SGTB: variants seen among roughly 807,000 people sequenced by gnomAD.
The protein encoded by SGTB is small glutamine-rich tetratricopeptide repeat-containing protein beta.
Under a neutral mutation model 43.9 loss-of-function variants are expected in SGTB, and 19 were observed. The ratio of observed to expected loss-of-function variants is 0.43; its 90% CI spans 0.30 to 0.63. The LOEUF (loss-of-function observed/expected upper bound fraction) is 0.63. Among genes scored for constraint, SGTB ranks in the 30% least tolerant of loss-of-function variants. SGTB has a pLI of 0.12. For missense variants in SGTB, 304 were observed against 358.9 expected, an observed-to-expected ratio of 0.85 and a Z score of 1.24; for synonymous variants, 116 against 117.3, an observed-to-expected ratio of 0.99 and a Z score of 0.07.
chr5:65,713,488 T>G (rs1348627126), intron 2 of SGTB, among the ~76,000 whole-genome samples: 3 of 152,074 alleles, frequency 2.0e-5, no homozygotes, highest in Non-Finnish European at 4.4e-5. Flanking sequence ...GCTAACTGTT[T>G]AAATTTTTTT....
Position 65,670,179 on chromosome 5 carries a change from A to G in SGTB, c.*67T>C. 7 of 1,420,804 alleles carry G rather than the reference A, an allele frequency of 4.9e-6. No individual in the cohort carries two copies. The highest frequency in any genetic ancestry group is 5.9e-6 in the Non-Finnish European group (6 of 1,013,196). 88.0% of individuals were successfully genotyped at this position (1,420,804 alleles called of 1,614,324 possible). On this transcript the variant is annotated 3_prime_UTR_variant, in exon 11 of 11. Coordinates refer to ENST00000381007, the MANE Select transcript of SGTB (RefSeq NM_019072.3). ...TTTTTTGAAGGAGGGAGGGGGTACT[A>G]TCTACAACAAATACTTCATTCATAG...
intron 3 of SGTB, among the ~76,000 whole-genome samples, chr5:65,708,768 G>A (rs1003692516): frequency 2.0e-5 from 3 of 152,238 alleles, no homozygotes; most frequent in African/African-American, 4.8e-5. Context: ...GTGACTGGGC[G>A]TGGTGGCTCA....
At chr5:65,702,239 A>G (rs1272922120) in intron 5 of SGTB, among the ~76,000 whole-genome samples, 3 of 152,210 alleles carry the variant, frequency 2.0e-5, no homozygotes, top group Non-Finnish European at 4.4e-5. Context: ...CAAAGTACAA[A>G]GTCCAATACC....
Position 65,715,229 on chromosome 5 carries a change from C to T in SGTB, c.101-2165G>A, listed in dbSNP as rs529352067. Among the ~76,000 whole-genome samples, 4 of 152,130 alleles carry T rather than the reference C, an allele frequency of 2.6e-5. No homozygotes were observed. The South Asian group carries it at 8.3e-4, about 32-fold the overall frequency. On this transcript the variant is annotated intron_variant, in intron 2 of 10. Transcript: ENST00000381007. ...TAGAAGAATCTATTCCTATTTATTCCTAATGAAAATAATAGACATTCAGGA... is the reference window on the plus strand; with the variant it reads ...TAGAAGAATCTATTCCTATTTATTCTTAATGAAAATAATAGACATTCAGGA...
intron 1 of SGTB, 25 bp from the exon 2 acceptor site, chr5:65,720,854 G>T: frequency 6.3e-7 from 1 of 1,595,992 alleles, no homozygotes; most frequent in Non-Finnish European, 8.5e-7. Flanking sequence ...TGAAAACACT[G>T]AACTAAGTTA....
rs555978356 is a variant in SGTB at position 65,707,958 on chromosome 5, C to A, written c.274+531G>T. Among the ~76,000 whole-genome samples the A allele has an allele frequency of 3.9e-5, 6 of 152,242 alleles. No homozygotes were observed. The South Asian group carries it at 1.0e-3, about 26-fold the overall frequency. Reference sequence around the variant, plus strand: ...GGCTCCCGTCTATAGCTTAACATAGCTGACATAATGGAAAAATGGAACACA... The same window carrying A: ...GGCTCCCGTCTATAGCTTAACATAGATGACATAATGGAAAAATGGAACACA... On this transcript the variant is annotated intron_variant, in intron 4 of 10. Transcript: ENST00000381007.
chr5:65,693,885 C>G (rs1757665883), intron 5 of SGTB, among the ~76,000 whole-genome samples: 1 of 152,200 alleles, frequency 6.6e-6, no homozygotes, highest in South Asian at 2.1e-4. Flanking sequence ...TCTAACAGAA[C>G]TTTCTGCAAC....
Position 65,680,699 on chromosome 5 carries a change from T to C in SGTB, c.575A>G (p.Asn192Ser). 1.2e-6 allele frequency: 2 copies of C among 1,614,130 alleles called. No homozygotes were observed. The highest frequency in any genetic ancestry group is 3.3e-4 in the Middle Eastern group (2 of 6,058). Residue 192 changes from asparagine to serine, a missense_variant, in exon 7 of 11, where the codon AAT (asparagine) becomes AGT (serine). Coordinates refer to ENST00000381007, the MANE Select transcript of SGTB (RefSeq NM_019072.3). ...LDPENDSYKS[N>S]LKIAEQKLRE... ...TAACTTCTGTTCTGCTATTTTCAGA[T>C]TTGACTTATAGGAATCATTTTCAGG...
chr5:65,709,715 T>C (rs2150721593), intron 3 of SGTB, among the ~76,000 whole-genome samples: 1 of 152,242 alleles, frequency 6.6e-6, no homozygotes, highest in East Asian at 1.9e-4. Flanking sequence ...TATATGTTCA[T>C]TGCTTTAAAA....
At chr5:65,710,386 T>G (rs1247117431) in intron 3 of SGTB, among the ~76,000 whole-genome samples, 1 of 152,190 alleles carries the variant, frequency 6.6e-6, no homozygotes, top group East Asian at 1.9e-4. Flanking sequence ...TGCCACTGTT[T>G]TATACTTTGA....
chr5:65,673,047 C>T (rs37329), intron 8 of SGTB, among the ~76,000 whole-genome samples: 38,037 of 152,120 alleles, frequency 0.25, 5,085 homozygotes, highest in Non-Finnish European at 0.3. Context: ...CTGTGTTTTG[C>T]AATCCCTTTA....
At chr5:65,722,612 C>G (rs1758342993), upstream of SGTB, 1 of 538,828 alleles carries the variant, frequency 1.9e-6, no homozygotes. Context: ...CGCCTCCGCT[C>G]CCTCGGGAGG....
intron 6 of SGTB, among the ~76,000 whole-genome samples, chr5:65,683,551 G>A (rs555809035): frequency 1.3e-5 from 2 of 152,270 alleles, no homozygotes; most frequent in African/African-American, 4.8e-5. Flanking sequence ...ATACAGCATT[G>A]TTTAGAGATG....
chr5:65,669,065 T>A lies in SGTB; in HGVS notation c.*1181A>T, dbSNP rs1757101803. On this transcript the variant is annotated 3_prime_UTR_variant, in exon 11 of 11. Coordinates refer to ENST00000381007, the MANE Select transcript of SGTB (RefSeq NM_019072.3). ...ATCAATGTAGTTAGACCCATGCAAT[T>A]AATACCTAATGCCCCTTTTCTCCAC... 1 of 152,170 alleles carries A rather than the reference T, an allele frequency of 6.6e-6. No homozygotes were observed. The highest frequency in any genetic ancestry group is 1.5e-5 in the Non-Finnish European group (1 of 68,040). 9.4% of individuals were successfully genotyped at this position (152,170 alleles called of 1,614,324 possible). A position where few individuals can be genotyped will look rare whatever the true frequency, so the allele number is the denominator to read the frequency against.
At chr5:65,697,950 A>C (rs571106278) in intron 5 of SGTB, among the ~76,000 whole-genome samples, 5 of 152,346 alleles carry the variant, frequency 3.3e-5, no homozygotes, top group African/African-American at 1.2e-4. Context: ...TGAGCAAATA[A>C]AGTCTTGCAC....
intron 5 of SGTB, among the ~76,000 whole-genome samples, chr5:65,693,319 GAGAA>G (rs1390156539): frequency 3.0e-4 from 44 of 145,294 alleles, no homozygotes; most frequent in Admixed American, 2.6e-3. Context: ...GAAGGAAAGA[GAGAA>G]AGAAAGAGGA....
chr5:65,708,457 CTAAG>C (rs1195407610), intron 4 of SGTB, 28 bp downstream of exon 4: 10 of 1,590,962 alleles, frequency 6.3e-6, no homozygotes, highest in African/African-American at 2.7e-5. Context: ...GAAAGCTTTA[CTAAG>C]TAAGTCATTT....
intron 5 of SGTB, among the ~76,000 whole-genome samples, chr5:65,695,649 A>T (rs892557202): frequency 6.6e-6 from 1 of 152,204 alleles, no homozygotes; most frequent in Admixed American, 6.5e-5. Flanking sequence ...TTAGAAACAA[A>T]AGCACAAATA....
At chr5:65,706,626 G>A (rs759102453) in intron 4 of SGTB, among the ~76,000 whole-genome samples, 3 of 152,176 alleles carry the variant, frequency 2.0e-5, no homozygotes, top group Non-Finnish European at 2.9e-5. Context: ...GAGGTCAGGA[G>A]TTTGAGACCA....
Sources: allele counts gnomAD v4.1 joint callset (sites outside exome capture counted in the v4.1 genomes callset), GRCh38; gene constraint gnomAD v4.1.1; transcripts MANE v1.5; gene names NCBI Gene and HGNC (gene_info 2026-07-23, HGNC 2026-07-21).